SLC7A14: variants seen among roughly 807,000 people sequenced by gnomAD.
The protein encoded by SLC7A14 is solute carrier family 7 member 14.
A neutral mutation model predicts 60.2 loss-of-function variants in SLC7A14; 37 were observed. The ratio of observed to expected loss-of-function variants is 0.61; its 90% CI spans 0.47 to 0.81. The LOEUF (loss-of-function observed/expected upper bound fraction) is 0.81, where lower values mean the gene tolerates loss of function less well. Ranked by LOEUF, SLC7A14 falls within the 30% of genes least tolerant of loss-of-function variation. The pLI is 0.00. For synonymous variants in SLC7A14, 399 were observed against 395.8 expected (o/e 1.01, Z -0.10); for missense variants, 886 against 982.7 (o/e 0.90, Z 1.32).
intron 4 of SLC7A14, among the ~76,000 whole-genome samples, chr3:170,497,106 A>T (rs986378632): frequency 6.8e-6 from 1 of 147,094 alleles, no homozygotes; most frequent in East Asian, 2.0e-4. Flanking sequence ...AAAAAAAAAA[A>T]AAAAGAAAGA....
chr3:170,476,472 C>A (rs1711619817), intron 7 of SLC7A14, among the ~76,000 whole-genome samples: 1 of 152,164 alleles, frequency 6.6e-6, no homozygotes, highest in East Asian at 1.9e-4. Flanking sequence ...TCTTTTGAGT[C>A]AGCGAGTAGC....
At chr3:170,496,285 A>C (rs1241309031) in intron 4 of SLC7A14, 1 of 974,598 alleles carries the variant, frequency 1.0e-6, no homozygotes, top group South Asian at 1.3e-5. Flanking sequence ...TACCAGATCA[A>C]GTATGCAGAG....
At chr3:170,557,278 G>A (rs974518690) in intron 1 of SLC7A14, among the ~76,000 whole-genome samples, 1 of 152,110 alleles carries the variant, frequency 6.6e-6, no homozygotes, top group Admixed American at 6.5e-5. Context: ...GGAATGTGGA[G>A]CCCATTTTTT....
intron 1 of SLC7A14, among the ~76,000 whole-genome samples, chr3:170,560,764 G>A (rs952105305): frequency 6.6e-6 from 1 of 152,170 alleles, no homozygotes; most frequent in African/African-American, 2.4e-5. Context: ...TAGTTGGACA[G>A]TGTTTTTCAT....
chr3:170,493,352 G>T (rs978830626), intron 4 of SLC7A14, among the ~76,000 whole-genome samples: 2 of 152,184 alleles, frequency 1.3e-5, no homozygotes, highest in African/African-American at 2.4e-5. Context: ...GAAAGAGTAG[G>T]TTTATGAGGG....
At chr3:170,581,833 CAT>C (rs945741084) in intron 1 of SLC7A14, among the ~76,000 whole-genome samples, 24 of 152,142 alleles carry the variant, frequency 1.6e-4, no homozygotes, top group Non-Finnish European at 3.2e-4. Flanking sequence ...TAGAGGGCCT[CAT>C]AATGTCACCA....
intron 4 of SLC7A14, among the ~76,000 whole-genome samples, chr3:170,496,813 A>G (rs1712413789): frequency 6.6e-6 from 1 of 152,162 alleles, no homozygotes. Context: ...CGCCAGGGCC[A>G]TGGTTGTGCA....
chr3:170,471,261 G>A (rs369578878), intron 7 of SLC7A14, among the ~76,000 whole-genome samples: 6 of 152,112 alleles, frequency 3.9e-5, no homozygotes, highest in East Asian at 1.9e-4. Flanking sequence ...AATCCAGGGC[G>A]CTTCTATCCC....
chr3:170,527,217 G>C (rs922767823), intron 1 of SLC7A14, 129 bp from the exon 2 acceptor site: 9 of 456,088 alleles, frequency 2.0e-5, no homozygotes, highest in African/African-American at 1.8e-4. Flanking sequence ...TAACACGGAA[G>C]GGTTCCATGG....
rs773661832 is a variant in SLC7A14 at position 170,480,316 on chromosome 3, T to A, written c.1966A>T (p.Ile656Phe). The change falls in exon 7 of 8, where the codon ATC (isoleucine) becomes TTC (phenylalanine). Residue 656 changes from isoleucine to phenylalanine, a missense_variant. Transcript: ENST00000231706. ...ACAAAGCACCAGACCGCAAACCGGA[T>A]CCATGTGATGGTGGAGAGCTTTAGC... is the stretch of plus-strand genomic sequence containing the variant. ...LMLKLSTITW[I>F]RFAVWCFVGL... is the part of the protein sequence containing the mutation. 11 of 1,545,086 alleles carry A rather than the reference T, an allele frequency of 7.1e-6. No homozygotes were observed. In the South Asian group the frequency reaches 1.4e-4, roughly 20 times the overall value.
At chr3:170,524,244 C>T (rs1477308728) in intron 2 of SLC7A14, among the ~76,000 whole-genome samples, 1 of 152,202 alleles carries the variant, frequency 6.6e-6, no homozygotes, top group East Asian at 1.9e-4. Context: ...AAGTTAACAG[C>T]ATGACATCAT....
chr3:170,534,641 T>A (rs886998900), intron 1 of SLC7A14, among the ~76,000 whole-genome samples: 1 of 152,244 alleles, frequency 6.6e-6, no homozygotes, highest in South Asian at 2.1e-4. Flanking sequence ...TGTTCATTCC[T>A]GCATTTCCAC....
At chr3:170,470,308 ATGTGTGTG>A (rs60682275) in intron 7 of SLC7A14, among the ~76,000 whole-genome samples, 3 of 143,594 alleles carry the variant, frequency 2.1e-5, no homozygotes, top group African/African-American at 7.8e-5. Context: ...TGGAAGGAAC[ATGTGTGTG>A]TGTGTGTGTG....
chr3:170,544,413 T>C (rs893086292), intron 1 of SLC7A14, among the ~76,000 whole-genome samples: 2 of 152,162 alleles, frequency 1.3e-5, no homozygotes, highest in Non-Finnish European at 2.9e-5. Flanking sequence ...TAAAAGGCTA[T>C]ATATCTGAGA....
At chr3:170,551,076 A>T (rs975853683) in intron 1 of SLC7A14, among the ~76,000 whole-genome samples, 2 of 152,146 alleles carry the variant, frequency 1.3e-5, no homozygotes, top group African/African-American at 4.8e-5. Context: ...ACTCCTGGTA[A>T]CCACTAATCT....
intron 1 of SLC7A14, among the ~76,000 whole-genome samples, chr3:170,550,647 G>A (rs6801012): frequency 0.043 from 6,481 of 149,596 alleles, 441 homozygotes; most frequent in African/African-American, 0.14. Context: ...TCAGCCTCCT[G>A]AGTAGCTGGG....
chr3:170,567,212 T>C (rs1200815820), intron 1 of SLC7A14, among the ~76,000 whole-genome samples: 1 of 140,856 alleles, frequency 7.1e-6, no homozygotes, highest in Non-Finnish European at 1.5e-5. Context: ...CCTGTGTCCA[T>C]GTGTTCTCAC....
chr3:170,539,217 C>T (rs1713940438), intron 1 of SLC7A14, among the ~76,000 whole-genome samples: 1 of 152,212 alleles, frequency 6.6e-6, no homozygotes, highest in Non-Finnish European at 1.5e-5. Flanking sequence ...TGAAATACAT[C>T]AAGCTCTCTG....
chr3:170,472,767 CAAAA>C (rs11456241), intron 7 of SLC7A14, among the ~76,000 whole-genome samples: 2 of 107,202 alleles, frequency 1.9e-5, no homozygotes, highest in Non-Finnish European at 4.0e-5. Context: ...GACTCCGTCT[CAAAA>C]AAAAAAAAAA....
Sources: allele counts gnomAD v4.1 joint callset (sites outside exome capture counted in the v4.1 genomes callset), GRCh38; gene constraint gnomAD v4.1.1; transcripts MANE v1.5; gene names NCBI Gene and HGNC (gene_info 2026-07-23, HGNC 2026-07-21).